The following TLL1 variants were observed in gnomAD, a reference collection of about 807,000 sequenced individuals.
The protein encoded by TLL1 is tolloid-like protein 1.
Under a neutral mutation model 128.2 loss-of-function variants are expected in TLL1, and 49 were observed. The ratio of observed to expected loss-of-function variants is 0.38; its 90% CI spans 0.30 to 0.48. The LOEUF is 0.48. Ranked by LOEUF, TLL1 falls within the 20% of genes least tolerant of loss-of-function variation. TLL1 has a pLI of 0.96. For synonymous variants in TLL1, 454 were observed against 418.8 expected (o/e 1.08, Z -1.03); for missense variants, 1,123 against 1,242.0 (o/e 0.90, Z 1.44).
intron 18 of TLL1, among the ~76,000 whole-genome samples, chr4:166,089,854 GTTAAGTAA>G (rs1741683989): frequency 2.0e-5 from 3 of 151,816 alleles, no homozygotes; most frequent in Admixed American, 1.3e-4. Flanking sequence ...TCTTTCTTCC[GTTAAGTAA>G]CTCCATTCCT....
chr4:165,910,789 A>G (rs1371518685), intron 1 of TLL1, among the ~76,000 whole-genome samples: 2 of 152,158 alleles, frequency 1.3e-5, no homozygotes, highest in African/African-American at 2.4e-5. Context: ...CCATTATCCA[A>G]TTTTACACAT....
At chr4:165,964,170 G>T (rs1201933141) in intron 1 of TLL1, among the ~76,000 whole-genome samples, 1 of 152,174 alleles carries the variant, frequency 6.6e-6, no homozygotes, top group East Asian at 1.9e-4. Flanking sequence ...TCTGGAATCA[G>T]ACTGTCTGGG....
chr4:165,971,915 G>A (rs1042348647), intron 1 of TLL1, among the ~76,000 whole-genome samples: 1 of 152,118 alleles, frequency 6.6e-6, no homozygotes, highest in African/African-American at 2.4e-5. Context: ...AGTTTTGTCA[G>A]TGATCTGTTT....
intron 1 of TLL1, among the ~76,000 whole-genome samples, chr4:165,977,779 A>G (rs934440660): frequency 1.3e-5 from 2 of 152,212 alleles, no homozygotes; most frequent in Non-Finnish European, 2.9e-5. Flanking sequence ...CAAAGAAAAT[A>G]CATCCCAAAG....
chr4:165,958,523 C>A (rs1185912844), intron 1 of TLL1, among the ~76,000 whole-genome samples: 2 of 149,986 alleles, frequency 1.3e-5, no homozygotes, highest in Non-Finnish European at 3.0e-5. Context: ...TGAGAAGTGT[C>A]TGTTCATATC....
chr4:165,990,041 A>G (rs2111010691), intron 2 of TLL1, among the ~76,000 whole-genome samples: 1 of 152,030 alleles, frequency 6.6e-6, no homozygotes, highest in South Asian at 2.1e-4. Context: ...TTATATATCT[A>G]TATAATTTTT....
At chr4:166,060,495 C>A (rs186311019) in intron 15 of TLL1, among the ~76,000 whole-genome samples, 2 of 151,792 alleles carry the variant, frequency 1.3e-5, no homozygotes, top group Admixed American at 1.3e-4. Flanking sequence ...ATAGACACTT[C>A]TAGAAAAAAA....
chr4:166,041,423 T>C (rs56104224), intron 10 of TLL1, among the ~76,000 whole-genome samples: 80,631 of 151,388 alleles, frequency 0.53, 22,672 homozygotes, highest in African/African-American at 0.72. Context: ...GCCTCAGCCT[T>C]CCGAGTAGCT....
At position 165,972,173 on chromosome 4, in the gene TLL1, G is replaced by C. The variant is rs139154750; in HGVS notation, c.170-17208G>C. Among the ~76,000 whole-genome samples, 330 of 152,204 alleles carry C rather than the reference G, an allele frequency of 2.2e-3. 1 individual carries two copies. The highest frequency in any genetic ancestry group is 6.6e-3 in the African/African-American group (273 of 41,538). ...TGACCTGGAAAATAACTATTAGGTA[G>C]ATCACAGACATAGTGGACAGACTAT... is the stretch of plus-strand genomic sequence containing the variant. On this transcript the variant is annotated intron_variant, in intron 1 of 20. Coordinates refer to ENST00000061240, the MANE Select transcript of TLL1 (RefSeq NM_012464.5).
chr4:166,009,686 G>A (rs992688635), intron 7 of TLL1, among the ~76,000 whole-genome samples: 4 of 151,254 alleles, frequency 2.6e-5, no homozygotes, highest in East Asian at 1.9e-4. Context: ...TTTCATTCAC[G>A]TTATTTTATT....
At chr4:165,939,251 ATGTCC>A (rs1733894325) in intron 1 of TLL1, among the ~76,000 whole-genome samples, 1 of 152,116 alleles carries the variant, frequency 6.6e-6, no homozygotes, top group Admixed American at 6.6e-5. Context: ...ATAGCCACCA[ATGTCC>A]TTCTTGATTA....
At chr4:165,986,264 T>C (rs1736389982) in intron 1 of TLL1, among the ~76,000 whole-genome samples, 1 of 152,100 alleles carries the variant, frequency 6.6e-6, no homozygotes, top group African/African-American at 2.4e-5. Flanking sequence ...GTATAAATTG[T>C]CATGGTCCAA....
rs534162705 is a variant in TLL1, at chr4:166,033,822, T to G, written c.1159-5517T>G. 7.2e-5 allele frequency among the ~76,000 whole-genome samples: 11 copies of G among 152,280 alleles called. No individual in the cohort carries two copies. The East Asian group carries it at 2.1e-3, about 29-fold the overall frequency. Reference sequence around the variant, plus strand: ...AGCGAAGAGGGTAGCTGTGTTGAGCTGATAGAAGCGCATGGTATTGATTCT... The same window carrying G: ...AGCGAAGAGGGTAGCTGTGTTGAGCGGATAGAAGCGCATGGTATTGATTCT... On this transcript the variant is annotated intron_variant, in intron 9 of 20. Coordinates refer to ENST00000061240, the MANE Select transcript of TLL1 (RefSeq NM_012464.5).
intron 1 of TLL1, among the ~76,000 whole-genome samples, chr4:165,940,585 T>A (rs574985108): frequency 6.6e-6 from 1 of 152,186 alleles, no homozygotes; most frequent in South Asian, 2.1e-4. Flanking sequence ...GAATTCGTTA[T>A]ATGAAAAGGA....
chr4:165,909,561 G>C (rs1732431758), intron 1 of TLL1, among the ~76,000 whole-genome samples: 1 of 152,144 alleles, frequency 6.6e-6, no homozygotes, highest in Admixed American at 6.5e-5. Flanking sequence ...TAAGGAGCCC[G>C]ATACTTATGC....
intron 19 of TLL1, among the ~76,000 whole-genome samples, chr4:166,092,595 T>C (rs1474190496): frequency 1.3e-5 from 2 of 152,078 alleles, no homozygotes; most frequent in Admixed American, 1.3e-4. Context: ...TATTACTTAA[T>C]CAATATTTCA....
Position 166,055,244 on chromosome 4 carries a change from G to A in TLL1, c.1693G>A (p.Ala565Thr). The stretch of plus-strand genomic sequence containing the variant: ...TGTTTCTGACGGAACTGTGAACAAA[G>A]CAGGGTTTGCTGCTAACTTTTTTAA... ...KFVSDGTVNK[A>T]GFAANFFKEE... The change falls in exon 13 of 21, where the codon GCA (alanine) becomes ACA (threonine). Residue 565 changes from alanine to threonine, a missense_variant. Around this residue, in one of 3 missense-constraint regions of TLL1, gnomAD observed 634 missense variants for 672.4 expected, o/e 0.94. Coordinates refer to ENST00000061240, the MANE Select transcript of TLL1 (RefSeq NM_012464.5). 6.2e-7 allele frequency: 1 copy of A among 1,613,644 alleles called. No homozygotes were observed. The highest frequency in any genetic ancestry group is 8.5e-7 in the Non-Finnish European group (1 of 1,179,792).
rs1230400211 is a variant in TLL1 at position 166,074,885 on chromosome 4, T to C, written c.2196T>C (p.Asp732=). Residue 732 remains aspartate, a synonymous_variant, in exon 17 of 21, where the codon GAT becomes GAC. Coordinates refer to ENST00000061240, the MANE Select transcript of TLL1 (RefSeq NM_012464.5). Reference sequence around the variant, plus strand: ...GATTGATCTCTTTGCTAGACAAAGATGAATGCTCTAAGGATAATGGTGGAT... The same window carrying C: ...GATTGATCTCTTTGCTAGACAAAGACGAATGCTCTAAGGATAATGGTGGAT... ...GFKAHFFSDK[D]ECSKDNGGCQ... 3 of 1,613,308 alleles carry C rather than the reference T, an allele frequency of 1.9e-6. No homozygotes were observed. The highest frequency in any genetic ancestry group is 2.5e-6 in the Non-Finnish European group (3 of 1,179,530).
intron 14 of TLL1, among the ~76,000 whole-genome samples, chr4:166,058,191 A>G (rs1425515205): frequency 2.0e-5 from 3 of 152,036 alleles, no homozygotes; most frequent in East Asian, 3.9e-4. Flanking sequence ...GTATGTTACT[A>G]TATCTAGATC....
Sources: gnomAD v4.1 joint callset for allele counts (sites outside exome capture counted in the v4.1 genomes callset) on GRCh38, gnomAD v4.1.1 for gene constraint, gnomAD v4.1.1 regional missense constraint, MANE v1.5 for transcripts, NCBI Gene and HGNC (gene_info 2026-07-23, HGNC 2026-07-21) for gene names.